AHNAK2: variants seen among roughly 807,000 people sequenced by gnomAD.
AHNAK2 encodes protein AHNAK2.
Under a neutral mutation model 30.7 loss-of-function variants are expected in AHNAK2, and 18 were observed. The observed-to-expected ratio is 0.59, with a 90% CI of 0.41 to 0.87. AHNAK2 has a LOEUF of 0.87. Ranked by LOEUF, AHNAK2 falls within the 40% of genes least tolerant of loss-of-function variation. The pLI, the probability that AHNAK2 is intolerant of heterozygous loss-of-function variation, is 0.00. For synonymous variants in AHNAK2, 3,590 were observed against 3,073.8 expected (o/e 1.17, Z -5.56); for missense variants, 8,604 against 7,373.0 (o/e 1.17, Z -6.11).
At chr14:104,973,646 T>C (rs1899529703) in intron 1 of AHNAK2, among the ~76,000 whole-genome samples, 1 of 152,156 alleles carries the variant, frequency 6.6e-6, no homozygotes, top group African/African-American at 2.4e-5. Context: ...CAGCTGCCCC[T>C]GCTTGGCTAT....
At position 104,941,692 on chromosome 14, in the gene AHNAK2, C is replaced by A. The variant is rs779279676; in HGVS notation, c.13759G>T (p.Val4587Leu). ...TCCACGCTGGGCAGAGACACCTCCA[C>A]ATCGGGGGCCATCACCTCTGCCTTT... is the stretch of plus-strand genomic sequence containing the variant. ...GPKAEVMAPD[V>L]EVSLPSVETD... is the part of the protein sequence containing the mutation. Residue 4587 changes from valine (V) to leucine (L), a missense_variant, in exon 7 of 7, where the codon GTG (valine) becomes TTG (leucine). Coordinates refer to ENST00000333244, the MANE Select transcript of AHNAK2 (RefSeq NM_138420.4). 1.2e-6 allele frequency: 2 copies of A among 1,613,000 alleles called. No homozygotes were observed. The highest frequency in any genetic ancestry group is 1.7e-6 in the Non-Finnish European group (2 of 1,179,698).
rs537685812 is a variant in AHNAK2 at position 104,943,437 on chromosome 14, G to A, written c.12014C>T (p.Pro4005Leu). The part of the protein sequence containing the change: ...APKVEADVSL[P>L]SMQGDLKATD... The stretch of plus-strand genomic sequence containing the variant: ...GGCCTTGAGGTCCCCCTGCATGGAA[G>A]GGAGGCTCACGTCGGCCTCCACCTT... Residue 4005 changes from proline to leucine, a missense_variant, in exon 7 of 7, where the codon CCT (proline) becomes CTT (leucine). Transcript: ENST00000333244. The A allele has an allele frequency of 9.3e-6, 15 of 1,613,370 alleles. 1 individual carries two copies. In the South Asian group the frequency reaches 1.5e-4, roughly 17 times the overall value.
chr14:104,961,330 C>T (rs181573982), intron 1 of AHNAK2, among the ~76,000 whole-genome samples: 2,627 of 151,848 alleles, frequency 0.017, 36 homozygotes, highest in Middle Eastern at 0.045. Context: ...CTGGCTAACA[C>T]AGTGAAACCC....
At chr14:104,963,702 T>C (rs968840295) in intron 1 of AHNAK2, among the ~76,000 whole-genome samples, 4 of 151,468 alleles carry the variant, frequency 2.6e-5, no homozygotes, top group Admixed American at 6.6e-5. Context: ...TGGTGGCGGG[T>C]GCCTGTAGTC....
In AHNAK2 at chr14:104,953,674, A is replaced by T; in HGVS notation, c.1777T>A (p.Ser593Thr). The T allele has an allele frequency of 6.2e-7, 1 of 1,613,384 alleles. No homozygotes were observed. The highest frequency in any genetic ancestry group is 8.5e-7 in the Non-Finnish European group (1 of 1,179,796). ...PKFKIPSLGW[S>T]PSKHTKTGRE... is the part of the protein sequence containing the mutation. ...CCTGTCTTTGTGTGCTTGCTTGGCG[A>T]CCATCCTAAGGAGGGTATCTTGAAC... The change falls in exon 7 of 7, where the codon TCG becomes ACG. Residue 593 changes from serine (S) to threonine (T), a missense_variant. By Grantham distance (58) the Ser-to-Thr change is moderately conservative. Coordinates refer to ENST00000333244, the MANE Select transcript of AHNAK2 (RefSeq NM_138420.4).
chr14:104,969,263 T>G (rs1476999951), intron 1 of AHNAK2, among the ~76,000 whole-genome samples: 1 of 152,212 alleles, frequency 6.6e-6, no homozygotes, highest in Non-Finnish European at 1.5e-5. Flanking sequence ...CCCGTGAGGC[T>G]ATTCACATCA....
Position 104,947,616 on chromosome 14 carries a change from G to A in AHNAK2, c.7835C>T (p.Ser2612Phe). The change falls in exon 7 of 7, where the codon TCC becomes TTC. Residue 2612 changes from serine to phenylalanine, a missense_variant. Coordinates refer to ENST00000333244, the MANE Select transcript of AHNAK2 (RefSeq NM_138420.4). ...VTAPDVEMSL[S>F]SMEVDVQAPR... The stretch of plus-strand genomic sequence containing the variant: ...GGCCTGGACGTCCACCTCCATGCTG[G>A]ACAGAGACATCTCCACATCGGGGGC... The A allele has an allele frequency of 6.2e-7, 1 of 1,612,880 alleles. No individual in the cohort carries two copies. The highest frequency in any genetic ancestry group is 1.3e-5 in the African/African-American group (1 of 74,578).
Position 104,951,635 on chromosome 14 carries a change from C to G in AHNAK2, c.3816G>C (p.Lys1272Asn), listed in dbSNP as rs1317021751. ...KGPQVEVRGPKLDLKGHKAEV... is the reference protein window; with the variant it reads ...KGPQVEVRGPNLDLKGHKAEV... Reference sequence around the variant, plus strand: ...CTGCCTTATGACCTTTCAGGTCCAGCTTGGGGCCCCTGACTTCCACCTGGG... The same window carrying G: ...CTGCCTTATGACCTTTCAGGTCCAGGTTGGGGCCCCTGACTTCCACCTGGG... Residue 1272 changes from lysine to asparagine, a missense_variant, in exon 7 of 7, where the codon AAG becomes AAC. Coordinates refer to ENST00000333244, the MANE Select transcript of AHNAK2 (RefSeq NM_138420.4). The G allele has an allele frequency of 2.4e-6, 3 of 1,247,144 alleles. 1 individual carries two copies. In the South Asian group the frequency reaches 4.3e-5, roughly 18 times the overall value. 77.3% of individuals were successfully genotyped at this position (1,247,144 alleles called of 1,614,324 possible).
rs1462914801 is a variant in AHNAK2 at position 104,942,973 on chromosome 14, C to G, written c.12478G>C (p.Glu4160Gln). 6.2e-7 allele frequency: 1 copy of G among 1,613,378 alleles called. No individual in the cohort carries two copies. The change falls in exon 7 of 7, where the codon GAG becomes CAG. Residue 4160 changes from glutamate to glutamine, a missense_variant. Coordinates refer to ENST00000333244, the MANE Select transcript of AHNAK2 (RefSeq NM_138420.4). ...KSMEASVDVS[E>Q]LKAKADVSLP... Reference sequence around the variant, plus strand: ...CTCACGTCGGCTTTCGCCTTCAGCTCAGACACATCCACGGACGCCTCCATG... The same window carrying G: ...CTCACGTCGGCTTTCGCCTTCAGCTGAGACACATCCACGGACGCCTCCATG...
In AHNAK2 at chr14:104,945,723, C is replaced by T; in HGVS notation, c.9728G>A (p.Gly3243Asp). 2 of 1,600,940 alleles carry T rather than the reference C, an allele frequency of 1.2e-6. No homozygotes were observed. The highest frequency in any genetic ancestry group is 1.1e-5 in the South Asian group (1 of 90,420). The change falls in exon 7 of 7, where the codon GGC (glycine) becomes GAC (aspartate). Residue 3243 changes from glycine (G) to aspartate (D), a missense_variant. Transcript: ENST00000333244. Reference sequence around the variant, plus strand: ...GGGGCCCTTGATGTCTATCTGGGGGCCCTTGCGATCTACTTTGGGCATCTT... The same window carrying T: ...GGGGCCCTTGATGTCTATCTGGGGGTCCTTGCGATCTACTTTGGGCATCTT... ...SFKMPKVDRK[G>D]PQIDIKGPKL... is the part of the protein sequence containing the mutation.
At position 104,950,707 on chromosome 14, in the gene AHNAK2, G is replaced by C; in HGVS notation, c.4744C>G (p.Pro1582Ala). 6.3e-7 allele frequency: 1 copy of C among 1,587,976 alleles called. No individual in the cohort carries two copies. The highest frequency in any genetic ancestry group is 8.6e-7 in the Non-Finnish European group (1 of 1,162,962). The change falls in exon 7 of 7, where the codon CCC becomes GCC. Residue 1582 changes from proline (P) to alanine (A), a missense_variant. Coordinates refer to ENST00000333244, the MANE Select transcript of AHNAK2 (RefSeq NM_138420.4). ...LKGHLPKVQM[P>A]SFKMPKVDLK... ...TCCACTTTGGGCATCTTGAAACTGG[G>C]CATCTGCACTTTGGGCAGGTGCCCT... is the stretch of plus-strand genomic sequence containing the variant.
intron 1 of AHNAK2, among the ~76,000 whole-genome samples, chr14:104,969,857 C>T (rs1019319007): frequency 2.6e-5 from 4 of 152,316 alleles, no homozygotes; most frequent in East Asian, 1.9e-4. Context: ...GCCCCACAGA[C>T]GTCCAGGGCA....
rs760466403 is a variant in AHNAK2 at position 104,954,254 on chromosome 14, G to T, written c.1197C>A (p.Leu399=). 3 of 1,612,800 alleles carry T rather than the reference G, an allele frequency of 1.9e-6. No individual in the cohort carries two copies. Among genetic ancestry groups the T allele is most frequent in the East Asian group, 2.2e-5 (1 of 44,868 alleles). Residue 399 remains leucine (L), a synonymous_variant, in exon 7 of 7, where the codon CTC becomes CTA. Transcript: ENST00000333244. This position sits in a 1 kb window ranked among gnomAD's most constrained non-coding sequence, Gnocchi z 4.3. ...PAQSMPLPTE[L]GDPRLCEGTP... The stretch of plus-strand genomic sequence containing the variant: ...TTCCCTCGCAAAGTCTAGGGTCACC[G>T]AGCTCTGTGGGCAATGGCATGCTCT...
rs970535245 is a variant in AHNAK2 at position 104,966,750 on chromosome 14, C to T, written c.56-9078G>A. On this transcript the variant is annotated intron_variant, in intron 1 of 6. Transcript: ENST00000333244. The surrounding 1 kb of genome is among the most constrained non-coding windows in gnomAD (Gnocchi z 4.3). ...GGAGCTGCCTGGAGCTCCAGCCACA[C>T]CAGACCCACAACAAATTCGTGGGAC... Among the ~76,000 whole-genome samples the T allele has an allele frequency of 6.6e-6, 1 of 152,196 alleles. No homozygotes were observed. The highest frequency in any genetic ancestry group is 1.5e-5 in the Non-Finnish European group (1 of 68,020).
At position 104,950,242 on chromosome 14, in the gene AHNAK2, A is replaced by G. The variant is rs199558670; in HGVS notation, c.5209T>C (p.Phe1737Leu). ...PEGPLPEGAG[F>L]KGHLPKVQMP... ...TGCACCTTGGGGAGGTGCCCTTTGA[A>G]GCCGGCTCCCTCGGGAAGGGGGCCC... is the stretch of plus-strand genomic sequence containing the variant. The change falls in exon 7 of 7, where the codon TTC (phenylalanine) becomes CTC (leucine). Residue 1737 changes from phenylalanine (F) to leucine (L), a missense_variant. Coordinates refer to ENST00000333244, the MANE Select transcript of AHNAK2 (RefSeq NM_138420.4). 998 of 1,574,078 alleles carry G rather than the reference A, an allele frequency of 6.3e-4. 110 individuals are homozygous for G. The African/African-American group carries it at 8.0e-3, about 13-fold the overall frequency.
At chr14:104,969,741 C>T (rs991767127) in intron 1 of AHNAK2, among the ~76,000 whole-genome samples, 4 of 152,216 alleles carry the variant, frequency 2.6e-5, no homozygotes, top group African/African-American at 4.8e-5. Flanking sequence ...CAGGGTAGCA[C>T]ATGTGCCACC....
At position 104,952,320 on chromosome 14, in the gene AHNAK2, G is replaced by C. The variant is rs773155691; in HGVS notation, c.3131C>G (p.Thr1044Ser). The C allele has an allele frequency of 6.2e-7, 1 of 1,612,516 alleles. No homozygotes were observed. Among genetic ancestry groups the C allele is most frequent in the East Asian group, 2.2e-5 (1 of 44,742 alleles). The change falls in exon 7 of 7, where the codon ACT becomes AGT. Residue 1044 changes from threonine to serine, a missense_variant. Transcript: ENST00000333244. ...LPSMQGDLKT[T>S]DLSIQPASTD... The stretch of plus-strand genomic sequence containing the variant: ...AGAAGCAGGCTGAATGCTGAGGTCA[G>C]TGGTCTTCAGGTCCCCCTGCATGGA...
intron 1 of AHNAK2, among the ~76,000 whole-genome samples, chr14:104,975,142 A>T (rs1899562288): frequency 6.6e-6 from 1 of 152,228 alleles, no homozygotes; most frequent in Non-Finnish European, 1.5e-5. Context: ...TTGTAGGCCC[A>T]GCCACGACGA....
chr14:104,962,377 A>G (rs79333620), intron 1 of AHNAK2, among the ~76,000 whole-genome samples: 5,491 of 152,292 alleles, frequency 0.036, 99 homozygotes, highest in Middle Eastern at 0.088. Flanking sequence ...CAGAAAACAA[A>G]GTCCAGAACA....
Sources: allele counts gnomAD v4.1 joint callset (sites outside exome capture counted in the v4.1 genomes callset), GRCh38; gene constraint gnomAD v4.1.1; non-coding constraint Gnocchi (gnomAD v3.1); transcripts MANE v1.5; gene names NCBI Gene and HGNC (gene_info 2026-07-23, HGNC 2026-07-21).